SCRG1: variants seen among roughly 807,000 people sequenced by gnomAD.
The protein encoded by SCRG1 is stimulator of chondrogenesis 1, also known as scrapie-responsive protein 1.
SCRG1 carries 3 observed loss-of-function variants against 7.7 expected under a neutral mutation model. The ratio of observed to expected loss-of-function variants is 0.39; its 90% confidence interval spans 0.18 to 1.01. The LOEUF is 1.01. Among genes scored for constraint, SCRG1 ranks in the 50% least tolerant of loss-of-function variants. The pLI is 0.36. For missense variants in SCRG1, 110 were observed against 117.2 expected, an observed-to-expected ratio of 0.94 and a Z score of 0.28; for synonymous variants, 46 against 41.2, an observed-to-expected ratio of 1.12 and a Z score of -0.44.
chr4:173,437,264 A>AT, the SCRG1 span, among the ~76,000 whole-genome samples: 1 of 152,196 alleles, frequency 6.6e-6, no homozygotes, highest in Non-Finnish European at 1.5e-5. Context: ...AAATAGACAC[A>AT]TACACACACA....
At chr4:173,450,483 A>G in the SCRG1 span, among the ~76,000 whole-genome samples, 1 of 152,100 alleles carries the variant, frequency 6.6e-6, no homozygotes, top group Non-Finnish European at 1.5e-5. Flanking sequence ...GATGACTCAT[A>G]TTGGGCAGTG....
At chr4:173,499,049 A>G in the SCRG1 span, among the ~76,000 whole-genome samples, 245 of 152,350 alleles carry the variant, frequency 1.6e-3, no homozygotes, top group Non-Finnish European at 2.5e-3. This position sits in a 1 kb window ranked among gnomAD's most constrained non-coding sequence, Gnocchi z 4.1. Flanking sequence ...TGGAGACAGC[A>G]TGGATCTTCT....
the SCRG1 span, among the ~76,000 whole-genome samples, chr4:173,476,363 A>AAAAATATATATATAT: frequency 2.0e-5 from 2 of 98,508 alleles, no homozygotes; most frequent in Admixed American, 1.2e-4. Context: ...GGAAAAAAAA[A>AAAAATATATATATAT]ATATATATAT....
At chr4:173,457,618 A>G in the SCRG1 span, among the ~76,000 whole-genome samples, 9 of 152,270 alleles carry the variant, frequency 5.9e-5, no homozygotes, top group African/African-American at 2.2e-4. Context: ...TGACTGTGAG[A>G]TTGCCTTGAA....
Position 173,396,977 on chromosome 4 carries a change from G to A in SCRG1, c.-15+2091C>T, listed in dbSNP as rs559774221. On this transcript the variant is annotated intron_variant, in intron 1 of 2. Coordinates refer to ENST00000296506, the MANE Select transcript of SCRG1 (RefSeq NM_007281.4). The stretch of plus-strand genomic sequence containing the variant: ...CTGAGGCAGGAGAATCACTTGAACC[G>A]CGGAGGCAGAGGTTGCAGTGAGCCG... 3.9e-5 allele frequency among the ~76,000 whole-genome samples: 6 copies of A among 152,084 alleles called. No individual in the cohort carries two copies. In the East Asian group the frequency reaches 7.7e-4, roughly 20 times the overall value.
the SCRG1 span, among the ~76,000 whole-genome samples, chr4:173,498,946 G>A: frequency 6.6e-6 from 1 of 152,200 alleles, no homozygotes; most frequent in East Asian, 1.9e-4. Flanking sequence ...AATGCTGGAA[G>A]ATTTGGTAAG....
the SCRG1 span, among the ~76,000 whole-genome samples, chr4:173,480,293 G>T: frequency 6.6e-6 from 1 of 152,082 alleles, no homozygotes; most frequent in Non-Finnish European, 1.5e-5. Flanking sequence ...TAGAACTGGG[G>T]CCTTCTATAA....
the SCRG1 span, among the ~76,000 whole-genome samples, chr4:173,486,510 A>G: frequency 6.6e-6 from 1 of 151,308 alleles, no homozygotes; most frequent in Non-Finnish European, 1.5e-5. Flanking sequence ...TTCTTGACAG[A>G]TTTTTTTTTC....
At chr4:173,423,086 T>G in the SCRG1 span, among the ~76,000 whole-genome samples, 1 of 152,180 alleles carries the variant, frequency 6.6e-6, no homozygotes, top group Admixed American at 6.6e-5. Flanking sequence ...GGGAAGAAAC[T>G]GCTATGAACC....
At chr4:173,495,868 G>T in the SCRG1 span, among the ~76,000 whole-genome samples, 3 of 152,218 alleles carry the variant, frequency 2.0e-5, no homozygotes, top group Non-Finnish European at 4.4e-5. Context: ...AGAAAAAAGA[G>T]AAATTACTCT....
At chr4:173,471,393 TAAATAA>T in the SCRG1 span, among the ~76,000 whole-genome samples, 1 of 152,140 alleles carries the variant, frequency 6.6e-6, no homozygotes, top group Non-Finnish European at 1.5e-5. Context: ...GGCTTTTTAT[TAAATAA>T]AAATAAGAAA....
At chr4:173,485,070 T>TATATAATATATTATATATTATA in the SCRG1 span, among the ~76,000 whole-genome samples, 1 of 7,164 alleles carries the variant, frequency 1.4e-4, no homozygotes, top group Non-Finnish European at 3.0e-4. Context: ...TATTATATAT[T>TATATAATATATTATATATTATA]ATATATTATA....
the SCRG1 span, among the ~76,000 whole-genome samples, chr4:173,491,340 C>CG: frequency 6.6e-6 from 1 of 151,690 alleles, no homozygotes; most frequent in African/African-American, 2.4e-5. Context: ...TCGTTGCTGA[C>CG]ATGGTGGTAG....
chr4:173,390,890 G>T (rs1197930892), intron 2 of SCRG1, among the ~76,000 whole-genome samples: 1 of 152,098 alleles, frequency 6.6e-6, no homozygotes, highest in Non-Finnish European at 1.5e-5. Context: ...TTATTTTTGG[G>T]GGGGTAAAAA....
chr4:173,482,981 A>C, the SCRG1 span, among the ~76,000 whole-genome samples: 1 of 131,800 alleles, frequency 7.6e-6, no homozygotes, highest in Non-Finnish European at 1.5e-5. Flanking sequence ...ATAATATATA[A>C]TATATTATAT....
the SCRG1 span, among the ~76,000 whole-genome samples, chr4:173,489,669 C>T: frequency 0.036 from 5,504 of 152,246 alleles, 346 homozygotes; most frequent in African/African-American, 0.13. Flanking sequence ...TCTACCTCTT[C>T]ACTTGAACTG....
the SCRG1 span, among the ~76,000 whole-genome samples, chr4:173,425,290 CAA>C: frequency 6.6e-6 from 1 of 152,134 alleles, no homozygotes; most frequent in African/African-American, 2.4e-5. Context: ...TTTCATTTTC[CAA>C]AAGACTTCAC....
the SCRG1 span, chr4:173,419,304 A>G: frequency 2.8e-6 from 2 of 702,300 alleles, no homozygotes; most frequent in Non-Finnish European, 4.7e-6. Flanking sequence ...TGAGCTACCC[A>G]ATCTTTCTTC....
the SCRG1 span, among the ~76,000 whole-genome samples, chr4:173,516,667 G>A: frequency 6.6e-6 from 1 of 152,230 alleles, no homozygotes; most frequent in Non-Finnish European, 1.5e-5. Context: ...CGTCTACTGC[G>A]TAAGAGAGCG....
Sources: gnomAD v4.1 joint callset for allele counts (sites outside exome capture counted in the v4.1 genomes callset) on GRCh38, gnomAD v4.1.1 for gene constraint, Gnocchi (gnomAD v3.1) non-coding constraint, MANE v1.5 for transcripts, NCBI Gene and HGNC (gene_info 2026-07-23, HGNC 2026-07-21) for gene names.